The following DVL3 variants were observed in gnomAD, a reference collection of about 807,000 sequenced individuals.
DVL3 encodes segment polarity protein dishevelled homolog DVL-3.
DVL3 carries 27 observed loss-of-function variants against 67.4 expected under a neutral mutation model. That is an observed-to-expected ratio of 0.40 (90% CI 0.30 to 0.55). The LOEUF is 0.55. Among genes scored for constraint, DVL3 ranks in the 20% least tolerant of loss-of-function variants. The probability of loss-of-function intolerance (pLI) is 0.46; values close to 1 mark genes in which losing one functional copy is unlikely to be tolerated. For missense variants in DVL3, 819 were observed against 1,021.5 expected, an observed-to-expected ratio of 0.80 and a Z score of 2.70; for synonymous variants, 369 against 396.8, an observed-to-expected ratio of 0.93 and a Z score of 0.83.
rs974169498 is a variant in DVL3 at position 184,172,611 on chromosome 3, G to A, written c.*1856G>A. 1 of 152,192 alleles carries A rather than the reference G, an allele frequency of 6.6e-6. No homozygotes were observed. Among genetic ancestry groups the A allele is most frequent in the African/African-American group, 2.4e-5 (1 of 41,440 alleles). The allele number at this position is 152,192 out of a possible 1,614,324, so 9.4% of individuals were successfully genotyped here. ...TAGATGGGTGTTTTGGCACCTGCCTGTAATCTCAGCTACTCAGGAGGCTGA... is the reference window on the plus strand; with the variant it reads ...TAGATGGGTGTTTTGGCACCTGCCTATAATCTCAGCTACTCAGGAGGCTGA... On this transcript the variant is annotated 3_prime_UTR_variant, in exon 15 of 15. Transcript: ENST00000313143.
Position 184,167,920 on chromosome 3 carries a change from G to A in DVL3, c.1353G>A (p.Leu451=), listed in dbSNP as rs1392619504. ...AFIGSDVVDW[L]YHNVEGFTDR... is the part of the protein sequence containing the mutation. ...CAGGCTCAGATGTGGTGGACTGGCTGTACCACAATGTGGAAGGCTTCACGG... is the reference window on the plus strand; with the variant it reads ...CAGGCTCAGATGTGGTGGACTGGCTATACCACAATGTGGAAGGCTTCACGG... The change falls in exon 13 of 15, where the codon CTG becomes CTA. Residue 451 remains leucine, a synonymous_variant. Transcript: ENST00000313143. The surrounding 1 kb of genome is among the most constrained non-coding windows in gnomAD (Gnocchi z 4.6). The A allele has an allele frequency of 1.2e-6, 2 of 1,614,276 alleles. No individual in the cohort carries two copies. Among genetic ancestry groups the A allele is most frequent in the Non-Finnish European group, 1.7e-6 (2 of 1,180,054 alleles).
In DVL3 at chr3:184,170,207, G is replaced by C. The variant is rs1182907559; in HGVS notation, c.1700G>C (p.Ser567Thr). The C allele has an allele frequency of 6.2e-7, 1 of 1,611,456 alleles. No individual in the cohort carries two copies. Among genetic ancestry groups the C allele is most frequent in the Non-Finnish European group, 8.5e-7 (1 of 1,179,724 alleles). Residue 567 changes from serine (S) to threonine (T), a missense_variant, in exon 14 of 15, where the codon AGT becomes ACT. Transcript: ENST00000313143. The surrounding 1 kb of genome is among the most constrained non-coding windows in gnomAD (Gnocchi z 6.5). ...GYSYGGGSASSQHSEGSRSSG... is the reference protein window; with the variant it reads ...GYSYGGGSASTQHSEGSRSSG... ...AGCTACGGCGGGGGCAGCGCCAGCA[G>C]TCAGCACAGCGAAGGTAAGGTAGAG...
In DVL3 at chr3:184,166,182, G is replaced by A. The variant is rs199853617; in HGVS notation, c.820G>A (p.Gly274Ser). 39 of 1,613,594 alleles carry A rather than the reference G, an allele frequency of 2.4e-5. No homozygotes were observed. The highest frequency in any genetic ancestry group is 5.0e-5 in the Admixed American group (3 of 59,778). ...GGGCCAAAGCAACGAGCGTGGTGAC[G>A]GCGGCATCTACATTGGCTCTATCAT... Reference protein sequence around the residue: ...IVGQSNERGDGGIYIGSIMKG... With the variant: ...IVGQSNERGDSGIYIGSIMKG... Residue 274 changes from glycine to serine, a missense_variant, in exon 8 of 15, where the codon GGC becomes AGC. Gly to Ser is a moderately conservative substitution (Grantham distance 56). Around this residue, in one of 3 missense-constraint regions of DVL3, gnomAD observed 385 missense variants for 486.8 expected, o/e 0.79. Transcript: ENST00000313143. The surrounding 1 kb of genome is among the most constrained non-coding windows in gnomAD (Gnocchi z 6.7).
Position 184,168,055 on chromosome 3 carries a change from C to T in DVL3, c.1488C>T (p.Asp496=), listed in dbSNP as rs746239651. The stretch of plus-strand genomic sequence containing the variant: ...AGCAGTGCTACTACATCTTCGGTGA[C>T]CTCTGCGGCAGTATGTGCCTCCCTC... ...FSEQCYYIFG[D]LCGNMANLSL... is the part of the protein sequence containing the mutation. The change falls in exon 13 of 15, where the codon GAC becomes GAT. Residue 496 remains aspartate, a synonymous_variant. Coordinates refer to ENST00000313143, the MANE Select transcript of DVL3 (RefSeq NM_004423.4). 1 of 1,613,978 alleles carries T rather than the reference C, an allele frequency of 6.2e-7. No homozygotes were observed. The highest frequency in any genetic ancestry group is 1.1e-5 in the South Asian group (1 of 91,076).
At chr3:184,168,974 G>A (rs1239042489) in intron 13 of DVL3, among the ~76,000 whole-genome samples, 2 of 152,138 alleles carry the variant, frequency 1.3e-5, no homozygotes, top group African/African-American at 4.8e-5. Context: ...GGGGTGGAGA[G>A]CAGTGGGGGA....
intron 1 of DVL3, among the ~76,000 whole-genome samples, chr3:184,161,210 T>A (rs1358057504): frequency 6.6e-6 from 1 of 152,204 alleles, no homozygotes; most frequent in Non-Finnish European, 1.5e-5. Flanking sequence ...GCGGGTCACC[T>A]GAGGTCAGGA....
In DVL3 at chr3:184,164,989, C is replaced by T; in HGVS notation, c.599+58C>T. 1 of 1,611,592 alleles carries T rather than the reference C, an allele frequency of 6.2e-7. No homozygotes were observed. The highest frequency in any genetic ancestry group is 8.5e-7 in the Non-Finnish European group (1 of 1,178,616). ...AGGTGACCCTGGAGGAGCCCTAAAC[C>T]CTGAGGATGCGGGGCCCCTGGGAGG... On this transcript the variant is annotated intron_variant, in intron 5 of 14. Coordinates refer to ENST00000313143, the MANE Select transcript of DVL3 (RefSeq NM_004423.4). The surrounding 1 kb of genome is among the most constrained non-coding windows in gnomAD (Gnocchi z 5.3).
intron 1 of DVL3, among the ~76,000 whole-genome samples, chr3:184,160,730 G>T (rs1035120465): frequency 1.3e-5 from 2 of 152,124 alleles, no homozygotes; most frequent in Non-Finnish European, 2.9e-5. Context: ...GGTGGGGCCT[G>T]CCAGGGGAGC....
chr3:184,168,902 G>A (rs1008968315), intron 13 of DVL3, among the ~76,000 whole-genome samples: 2 of 152,070 alleles, frequency 1.3e-5, no homozygotes, highest in Admixed American at 6.6e-5. Flanking sequence ...CGCCAGGATC[G>A]TGAGATGAGT....
intron 1 of DVL3, among the ~76,000 whole-genome samples, chr3:184,156,101 C>A (rs967353467): frequency 3.5e-4 from 54 of 152,218 alleles, no homozygotes; most frequent in African/African-American, 7.9e-4. Flanking sequence ...ACAGACACAC[C>A]CCCCCTCCAC....
Position 184,164,604 on chromosome 3 carries a change from A to G in DVL3, c.463+3A>G. ...CCGGAGGGATGGCCCAGAGCATGGTATATCTTCCTGAACACGGACACTGTC... is the reference window on the plus strand; with the variant it reads ...CCGGAGGGATGGCCCAGAGCATGGTGTATCTTCCTGAACACGGACACTGTC... On this transcript the variant is annotated splice_donor_region_variant and intron_variant, in intron 4 of 14. Transcript: ENST00000313143. This position sits in a 1 kb window ranked among gnomAD's most constrained non-coding sequence, Gnocchi z 5.3. 1 of 1,551,108 alleles carries G rather than the reference A, an allele frequency of 6.4e-7. No homozygotes were observed. Among genetic ancestry groups the G allele is most frequent in the Admixed American group, 1.9e-5 (1 of 52,840 alleles).
chr3:184,163,611 A>G lies in DVL3; in HGVS notation c.162-46A>G, dbSNP rs1315839022. 2.5e-6 allele frequency: 4 copies of G among 1,568,690 alleles called. No individual in the cohort carries two copies. The highest frequency in any genetic ancestry group is 3.5e-6 in the Non-Finnish European group (4 of 1,139,102). On this transcript the variant is annotated intron_variant, in intron 1 of 14. Transcript: ENST00000313143. This position sits in a 1 kb window ranked among gnomAD's most constrained non-coding sequence, Gnocchi z 4.5. Reference sequence around the variant, plus strand: ...GAGAGTTGGGATTTGAGGATCCTCCATTTGCACCCTAGAAGGTTCTCTGTG... The same window carrying G: ...GAGAGTTGGGATTTGAGGATCCTCCGTTTGCACCCTAGAAGGTTCTCTGTG...
Position 184,166,098 on chromosome 3 carries a change from C to A in DVL3, c.764-28C>A. On this transcript the variant is annotated intron_variant, in intron 7 of 14. Transcript: ENST00000313143. This position sits in a 1 kb window ranked among gnomAD's most constrained non-coding sequence, Gnocchi z 6.7. ...GAATGCGGGTAGGAACCTTGCTCCC[C>A]CTTAAGGTCTTAAATTACTCTCTAT... The A allele has an allele frequency of 2.5e-6, 4 of 1,610,206 alleles. No homozygotes were observed. Among genetic ancestry groups the A allele is most frequent in the Non-Finnish European group, 3.4e-6 (4 of 1,179,194 alleles).
intron 1 of DVL3, chr3:184,156,728 C>G: frequency 1.7e-5 from 5 of 300,986 alleles, no homozygotes; most frequent in South Asian, 1.4e-4. Context: ...TGATCCCCCT[C>G]GAACCCCCCC....
chr3:184,158,020 C>T (rs959174077), intron 1 of DVL3, among the ~76,000 whole-genome samples: 3 of 152,094 alleles, frequency 2.0e-5, no homozygotes, highest in South Asian at 2.1e-4. Context: ...AAATAGATAG[C>T]GTAATAGTAT....
At position 184,165,319 on chromosome 3, in the gene DVL3, C is replaced by T; in HGVS notation, c.694-103C>T. The T allele has an allele frequency of 6.5e-7, 1 of 1,546,554 alleles. No homozygotes were observed. The highest frequency in any genetic ancestry group is 8.8e-7 in the Non-Finnish European group (1 of 1,130,360). ...ATCCCCCTAGTGCAGTGTTGAGAAC[C>T]TTGGGGCTGGGGGCTGCACCGGGGA... On this transcript the variant is annotated intron_variant, in intron 6 of 14. Transcript: ENST00000313143. This position sits in a 1 kb window ranked among gnomAD's most constrained non-coding sequence, Gnocchi z 4.1.
rs1468818761 is a variant in DVL3, at chr3:184,164,372, C to A, written c.337C>A (p.Arg113=). Residue 113 remains arginine, a synonymous_variant, in exon 3 of 15, where the codon CGA becomes AGA. Transcript: ENST00000313143. This position sits in a 1 kb window ranked among gnomAD's most constrained non-coding sequence, Gnocchi z 5.3. Reference sequence around the variant, plus strand: ...GCGCACGGGAGGCATCGGGGACTCCCGACCCCCATCCTTCCAGTGAGTGTG... The same window carrying A: ...GCGCACGGGAGGCATCGGGGACTCCAGACCCCCATCCTTCCAGTGAGTGTG... ...MERTGGIGDS[R]PPSFHPHAGG... 1.9e-6 allele frequency: 3 copies of A among 1,613,922 alleles called. No individual in the cohort carries two copies. The highest frequency in any genetic ancestry group is 8.5e-7 in the Non-Finnish European group (1 of 1,179,890).
chr3:184,156,764 G>A (rs1714207268), intron 1 of DVL3: 1 of 288,918 alleles, frequency 3.5e-6, no homozygotes, highest in South Asian at 3.0e-5. Flanking sequence ...GGGGGAGGGG[G>A]AGGCGCCCAC....
In DVL3 at chr3:184,170,233, G is replaced by A. The variant is rs1350088894; in HGVS notation, c.1714+12G>A. 2 of 1,611,528 alleles carry A rather than the reference G, an allele frequency of 1.2e-6. No individual in the cohort carries two copies. Among genetic ancestry groups the A allele is most frequent in the Admixed American group, 3.3e-5 (2 of 59,846 alleles). On this transcript the variant is annotated intron_variant, in intron 14 of 14. Coordinates refer to ENST00000313143, the MANE Select transcript of DVL3 (RefSeq NM_004423.4). The surrounding 1 kb of genome is among the most constrained non-coding windows in gnomAD (Gnocchi z 6.5). ...TCAGCACAGCGAAGGTAAGGTAGAG[G>A]GGCCGTGGAGGAAGGCTATAGGTGG...
Sources: gnomAD v4.1 joint callset for allele counts (sites outside exome capture counted in the v4.1 genomes callset) on GRCh38, gnomAD v4.1.1 for gene constraint, gnomAD v4.1.1 regional missense constraint, Gnocchi (gnomAD v3.1) non-coding constraint, MANE v1.5 for transcripts, NCBI Gene and HGNC (gene_info 2026-07-23, HGNC 2026-07-21) for gene names.